Variants in CTNNA2 observed in about 807,000 individuals in gnomAD.
The protein encoded by CTNNA2 is catenin alpha-2.
In CTNNA2, 42 loss-of-function variants were observed where a neutral mutation model predicts 101.0. That is an observed-to-expected ratio of 0.42 (90% CI 0.32 to 0.54). CTNNA2 has a LOEUF of 0.54. Among genes scored for constraint, CTNNA2 ranks in the 20% least tolerant of loss-of-function variants. The probability of loss-of-function intolerance (pLI) is 0.14; values close to 1 mark genes in which losing one functional copy is unlikely to be tolerated. For missense variants in CTNNA2, 871 were observed against 1,223.1 expected, an observed-to-expected ratio of 0.71 and a Z score of 4.29; for synonymous variants, 450 against 456.4, an observed-to-expected ratio of 0.99 and a Z score of 0.18.
chr2:79,399,940 A>G (rs1287595653), intron 4 of CTNNA2, among the ~76,000 whole-genome samples: 1 of 152,076 alleles, frequency 6.6e-6, no homozygotes, highest in Non-Finnish European at 1.5e-5. Flanking sequence ...TTATTTTGCC[A>G]AAGTTAAGGA....
chr2:79,331,775 A>G (rs1359790235), intron 3 of CTNNA2, among the ~76,000 whole-genome samples: 1 of 152,196 alleles, frequency 6.6e-6, no homozygotes, highest in Non-Finnish European at 1.5e-5. Flanking sequence ...TATGAACTCC[A>G]TAGTTCTGAA....
At chr2:79,497,229 C>G (rs921560483) in intron 4 of CTNNA2, among the ~76,000 whole-genome samples, 1 of 152,184 alleles carries the variant, frequency 6.6e-6, no homozygotes, top group South Asian at 2.1e-4. Flanking sequence ...TCCCTTTCAG[C>G]CCAGCTCACA....
chr2:79,767,172 C>G (rs1673227107), intron 3 of CTNNA2, among the ~76,000 whole-genome samples: 5 of 151,978 alleles, frequency 3.3e-5, no homozygotes, highest in Admixed American at 2.6e-4. Flanking sequence ...CATTTTTTGG[C>G]TCCCTAATTA....
intron 7 of CTNNA2, among the ~76,000 whole-genome samples, chr2:80,174,433 G>A (rs148880132): frequency 1.7e-3 from 260 of 152,220 alleles, no homozygotes; most frequent in African/African-American, 5.9e-3. Flanking sequence ...ATCCTCTGGG[G>A]CTACCTTCCT....
intron 1 of CTNNA2, among the ~76,000 whole-genome samples, chr2:79,544,742 A>G (rs189035063): frequency 2.6e-5 from 4 of 152,288 alleles, no homozygotes; most frequent in South Asian, 4.1e-4. Context: ...TTACCCAAGG[A>G]AAATGCTTAG....
chr2:80,259,022 G>A (rs893478408), intron 7 of CTNNA2, among the ~76,000 whole-genome samples: 5 of 152,082 alleles, frequency 3.3e-5, no homozygotes, highest in African/African-American at 1.2e-4. Context: ...CAGTGTCAAG[G>A]TCAGAACTGG....
At chr2:80,433,510 G>A (rs531582986) in intron 9 of CTNNA2, among the ~76,000 whole-genome samples, 21 of 152,070 alleles carry the variant, frequency 1.4e-4, no homozygotes, top group African/African-American at 4.8e-4. Flanking sequence ...TCAGGCTGTC[G>A]CCGCAGGGTC....
chr2:80,167,525 G>A (rs1573280641), intron 7 of CTNNA2, among the ~76,000 whole-genome samples: 1 of 152,136 alleles, frequency 6.6e-6, no homozygotes, highest in African/African-American at 2.4e-5. Context: ...ACATTCTTGG[G>A]CAATTTGAGA....
At chr2:79,861,232 C>CT (rs963573639) in intron 4 of CTNNA2, among the ~76,000 whole-genome samples, 7 of 152,138 alleles carry the variant, frequency 4.6e-5, no homozygotes, top group Non-Finnish European at 8.8e-5. Context: ...TCTCTTTTAC[C>CT]TTTAAGTGTT....
At chr2:80,033,754 T>C (rs1574593586) in intron 7 of CTNNA2, among the ~76,000 whole-genome samples, 1 of 152,218 alleles carries the variant, frequency 6.6e-6, no homozygotes, top group East Asian at 1.9e-4. Flanking sequence ...TATGAATACA[T>C]GAAGAGATCT....
intron 4 of CTNNA2, among the ~76,000 whole-genome samples, chr2:79,436,813 A>G (rs1483649261): frequency 2.0e-5 from 3 of 151,924 alleles, no homozygotes; most frequent in Non-Finnish European, 2.9e-5. Context: ...TTGTATTTTT[A>G]GTAGAGATGG....
chr2:79,218,338 TG>T (rs1376946416), intron 2 of CTNNA2, among the ~76,000 whole-genome samples: 84 of 81,278 alleles, frequency 1.0e-3, no homozygotes, highest in Non-Finnish European at 1.9e-3. Context: ...TGTGTGTGTG[TG>T]TGTGTGTGTG....
chr2:80,584,705 C>T (rs1018831319), intron 14 of CTNNA2, among the ~76,000 whole-genome samples: 1 of 152,086 alleles, frequency 6.6e-6, no homozygotes, highest in African/African-American at 2.4e-5. Context: ...AACCTCTCCA[C>T]ACTTCATCTC....
intron 2 of CTNNA2, among the ~76,000 whole-genome samples, chr2:79,292,300 G>A (rs2104381801): frequency 6.6e-6 from 1 of 152,272 alleles, no homozygotes; most frequent in African/African-American, 2.4e-5. Flanking sequence ...AAAACTGAAT[G>A]CTATTTATTG....
At chr2:80,362,142 A>T (rs1674471328) in intron 7 of CTNNA2, among the ~76,000 whole-genome samples, 1 of 152,114 alleles carries the variant, frequency 6.6e-6, no homozygotes, top group Non-Finnish European at 1.5e-5. Context: ...ACCTAAATGA[A>T]GTTAGGTTCC....
At position 80,608,251 on chromosome 2, in the gene CTNNA2, A is replaced by C; in HGVS notation, c.2363A>C (p.Gln788Pro). The change falls in exon 17 of 19, where the codon CAG (glutamine) becomes CCG (proline). Residue 788 changes from glutamine (Q) to proline (P), a missense_variant. Gln to Pro is a moderately conservative substitution (Grantham distance 76, BLOSUM62 -1). Around this residue, in one of 5 missense-constraint regions of CTNNA2, gnomAD observed 93 missense variants for 223.7 expected, o/e 0.42. Coordinates refer to ENST00000402739, the MANE Select transcript of CTNNA2 (RefSeq NM_001282597.3). Reference protein sequence around the residue: ...YLQRIALYCHQLNICSKVKAE... With the variant: ...YLQRIALYCHPLNICSKVKAE... ...CAACGAATTGCCTTGTATTGCCATC[A>C]GCTTAATATCTGCAGCAAGGTGAAG... is the stretch of plus-strand genomic sequence containing the variant. The C allele has an allele frequency of 6.2e-7, 1 of 1,611,192 alleles. No homozygotes were observed.
At chr2:80,501,976 C>T (rs1388128442) in intron 9 of CTNNA2, among the ~76,000 whole-genome samples, 1 of 152,070 alleles carries the variant, frequency 6.6e-6, no homozygotes, top group Non-Finnish European at 1.5e-5. Context: ...GTAAAACTCT[C>T]CAAGTTTGTT....
At chr2:79,852,087 A>C (rs559061495) in intron 3 of CTNNA2, among the ~76,000 whole-genome samples, 1 of 152,300 alleles carries the variant, frequency 6.6e-6, no homozygotes, top group South Asian at 2.1e-4. Flanking sequence ...AATATAAAAA[A>C]CATGAACTAT....
chr2:80,429,137 C>T (rs1375826741), intron 9 of CTNNA2, among the ~76,000 whole-genome samples: 1 of 151,984 alleles, frequency 6.6e-6, no homozygotes, highest in East Asian at 1.9e-4. Context: ...TAAGAATTCC[C>T]CAATTCTTAA....
Sources: allele counts gnomAD v4.1 joint callset (sites outside exome capture counted in the v4.1 genomes callset), GRCh38; gene constraint gnomAD v4.1.1; regional missense constraint gnomAD v4.1.1; transcripts MANE v1.5; gene names NCBI Gene and HGNC (gene_info 2026-07-23, HGNC 2026-07-21).